The following WWP2 variants were observed in gnomAD, a reference collection of about 807,000 sequenced individuals.
WWP2 encodes NEDD4-like E3 ubiquitin-protein ligase WWP2.
WWP2 carries 57 observed loss-of-function variants against 121.0 expected under a neutral mutation model. The observed-to-expected ratio is 0.47, with a 90% CI of 0.38 to 0.59. WWP2 has a LOEUF of 0.59. Ranked by LOEUF, WWP2 falls within the 20% of genes least tolerant of loss-of-function variation. The pLI is 0.00. For missense variants in WWP2, 962 were observed against 1,158.9 expected, an observed-to-expected ratio of 0.83 and a Z score of 2.47; for synonymous variants, 449 against 441.3, an observed-to-expected ratio of 1.02 and a Z score of -0.22.
chr16:69,938,460 A>G (rs1465717674), intron 21 of WWP2, among the ~76,000 whole-genome samples: 1 of 152,232 alleles, frequency 6.6e-6, no homozygotes, highest in African/African-American at 2.4e-5. Flanking sequence ...TCTACTAACA[A>G]TATAAAAAAT....
chr16:69,939,458 G>C (rs148841517), intron 23 of WWP2, 45 bp downstream of exon 23: 1 of 1,601,268 alleles, frequency 6.2e-7, no homozygotes, highest in Non-Finnish European at 8.6e-7. Flanking sequence ...CCTCAGACCC[G>C]ATGAGCTCCT....
intron 4 of WWP2, among the ~76,000 whole-genome samples, chr16:69,838,445 T>TAA (rs3086443): frequency 7.2e-6 from 1 of 139,394 alleles, no homozygotes; most frequent in Non-Finnish European, 1.5e-5. Context: ...CTCCTTGACT[T>TAA]AAAAAAAAAA....
chr16:69,841,951 T>A, intron 5 of WWP2, 73 bp from the exon 6 acceptor site: 2 of 1,462,356 alleles, frequency 1.4e-6, no homozygotes, highest in Non-Finnish European at 9.4e-7. Context: ...GTTCTGTTCC[T>A]GGCCGTCAAA....
Position 69,939,102 on chromosome 16 carries a change from G to T in WWP2, c.2419G>T (p.Gly807Trp), listed in dbSNP as rs763322178. ...CACCGGTACCTGCCGCCTGCCCGTC[G>T]GGGGATTTGCCGAACTCATCGGTAT... Reference protein sequence around the residue: ...FVTGTCRLPVGGFAELIGSNG... With the variant: ...FVTGTCRLPVWGFAELIGSNG... Residue 807 changes from glycine (G) to tryptophan (W), a missense_variant, in exon 22 of 24, where the codon GGG becomes TGG. By Grantham distance (184) the Gly-to-Trp change is radical (BLOSUM62 -2). Transcript: ENST00000359154. 1 of 1,603,332 alleles carries T rather than the reference G, an allele frequency of 6.2e-7. No individual in the cohort carries two copies. Among genetic ancestry groups the T allele is most frequent in the Non-Finnish European group, 8.5e-7 (1 of 1,174,364 alleles).
chr16:69,840,076 T>C (rs1403097362), intron 4 of WWP2, 50 bp from the exon 5 acceptor site: 2 of 1,602,986 alleles, frequency 1.2e-6, no homozygotes, highest in Non-Finnish European at 1.7e-6. Flanking sequence ...GAATCTTAAC[T>C]TGGGGTGCAT....
intron 8 of WWP2, among the ~76,000 whole-genome samples, chr16:69,889,469 T>TC (rs1373057742): frequency 6.6e-6 from 1 of 152,064 alleles, no homozygotes; most frequent in Non-Finnish European, 1.5e-5. Flanking sequence ...TGGGTTTGAA[T>TC]CCCCCCACCA....
chr16:69,793,414 T>A (rs572462065), intron 2 of WWP2, among the ~76,000 whole-genome samples: 7 of 152,068 alleles, frequency 4.6e-5, no homozygotes, highest in African/African-American at 1.7e-4. Flanking sequence ...AGAGAAAGAG[T>A]TTAATTGACA....
chr16:69,885,956 A>G (rs189225727), intron 7 of WWP2, among the ~76,000 whole-genome samples: 55 of 152,336 alleles, frequency 3.6e-4, no homozygotes, highest in Admixed American at 3.5e-3. Context: ...ATTAGCTAGA[A>G]GAGGCAGTAG....
chr16:69,799,012 A>G lies in WWP2; in HGVS notation c.219-162A>G. The G allele has an allele frequency of 7.5e-7, 1 of 1,331,672 alleles. No homozygotes were observed. Among genetic ancestry groups the G allele is most frequent in the East Asian group, 2.3e-5 (1 of 42,788 alleles). 82.5% of individuals were successfully genotyped at this position (1,331,672 alleles called of 1,614,324 possible). ...GCTCATAGAGCGTTCATTATTATCT[A>G]GAGGGTTACAGGGTCAGCTTTGAGA... is the stretch of plus-strand genomic sequence containing the variant. On this transcript the variant is annotated intron_variant, in intron 3 of 23. Transcript: ENST00000359154. The surrounding 1 kb of genome is among the most constrained non-coding windows in gnomAD (Gnocchi z 4.5).
rs369395233 is a variant in WWP2 at position 69,939,164 on chromosome 16, C to T, written c.2440+41C>T. The T allele has an allele frequency of 1.1e-4, 178 of 1,573,822 alleles. 2 individuals carry two copies. Among genetic ancestry groups the T allele is most frequent in the African/African-American group, 5.4e-4 (40 of 74,020 alleles). ...CCCTCTGGCGTCCTGGCTGGCAGTG[C>T]GGACAGCTCAGAGGGAGGGGGAAAC... On this transcript the variant is annotated intron_variant, in intron 22 of 23. Coordinates refer to ENST00000359154, the MANE Select transcript of WWP2 (RefSeq NM_001270454.2).
At chr16:69,827,156 A>C (rs1393212292) in intron 4 of WWP2, among the ~76,000 whole-genome samples, 3 of 147,922 alleles carry the variant, frequency 2.0e-5, no homozygotes, top group African/African-American at 7.4e-5. Context: ...GAAATTATGA[A>C]AAAAAAAAAA....
chr16:69,872,203 G>A (rs996822172), intron 7 of WWP2, among the ~76,000 whole-genome samples: 2 of 151,916 alleles, frequency 1.3e-5, no homozygotes, highest in African/African-American at 4.8e-5. Context: ...TTTCTATAAA[G>A]ACAATAAAAA....
chr16:69,864,823 G>A (rs989946768), intron 6 of WWP2, among the ~76,000 whole-genome samples: 24 of 152,134 alleles, frequency 1.6e-4, no homozygotes, highest in Non-Finnish European at 2.8e-4. Context: ...TGTTGGCCAG[G>A]CTGGTCTCAA....
chr16:69,836,758 G>C (rs1454834475), intron 4 of WWP2, among the ~76,000 whole-genome samples: 1 of 152,064 alleles, frequency 6.6e-6, no homozygotes, highest in Non-Finnish European at 1.5e-5. Flanking sequence ...GGGACCACAG[G>C]TGCACCCTGC....
chr16:69,917,674 G>A (rs778254383), intron 9 of WWP2, 35 bp from the exon 10 acceptor site: 9 of 1,591,202 alleles, frequency 5.7e-6, no homozygotes, highest in East Asian at 4.5e-5. Context: ...GGAGTGGGGT[G>A]GTCATTATAT....
At chr16:69,783,921 T>A (rs1186357655) in intron 1 of WWP2, among the ~76,000 whole-genome samples, 1 of 151,982 alleles carries the variant, frequency 6.6e-6, no homozygotes, top group Non-Finnish European at 1.5e-5. Flanking sequence ...GCCACTGCAC[T>A]CCCGGCATGG....
Position 69,937,678 on chromosome 16 carries a change from A to C in WWP2, c.2343+26A>C. The C allele has an allele frequency of 1.2e-6, 2 of 1,611,450 alleles. No homozygotes were observed. Among genetic ancestry groups the C allele is most frequent in the Non-Finnish European group, 1.7e-6 (2 of 1,178,126 alleles). ...GTGGGTCCCGGGCCCAGGCCTTGGC[A>C]GGGACATTTGGGCCATCAACCAAAG... is the stretch of plus-strand genomic sequence containing the variant. On this transcript the variant is annotated intron_variant, in intron 21 of 23. Transcript: ENST00000359154. This position sits in a 1 kb window ranked among gnomAD's most constrained non-coding sequence, Gnocchi z 6.6.
chr16:69,929,072 G>A (rs950898360), intron 11 of WWP2, among the ~76,000 whole-genome samples: 3 of 152,148 alleles, frequency 2.0e-5, no homozygotes, highest in African/African-American at 7.2e-5. Context: ...GACTTGGGTG[G>A]GGGGCCTGGC....
intron 4 of WWP2, among the ~76,000 whole-genome samples, chr16:69,825,678 T>A (rs965416944): frequency 7.0e-6 from 1 of 143,508 alleles, no homozygotes; most frequent in African/African-American, 2.6e-5. Context: ...CAGGCTGAGG[T>A]GTAGTGGTGC....
Sources: allele counts gnomAD v4.1 joint callset (sites outside exome capture counted in the v4.1 genomes callset), GRCh38; gene constraint gnomAD v4.1.1; non-coding constraint Gnocchi (gnomAD v3.1); transcripts MANE v1.5; gene names NCBI Gene and HGNC (gene_info 2026-07-23, HGNC 2026-07-21).